Variants in FILIP1L observed in about 807,000 individuals in gnomAD.
FILIP1L encodes the protein filamin A-interacting protein 1-like.
Under a neutral mutation model 96.6 loss-of-function variants are expected in FILIP1L, and 55 were observed. The ratio of observed to expected loss-of-function variants is 0.57; its 90% CI spans 0.46 to 0.71. FILIP1L has a LOEUF of 0.71. Among genes scored for constraint, FILIP1L ranks in the 30% least tolerant of loss-of-function variants. The pLI is 0.00. For synonymous variants in FILIP1L, 467 were observed against 473.9 expected (o/e 0.99, Z 0.19); for missense variants, 1,304 against 1,321.2 (o/e 0.99, Z 0.20).
At chr3:99,870,778 A>C (rs1278667428) in intron 4 of FILIP1L, among the ~76,000 whole-genome samples, 1 of 152,232 alleles carries the variant, frequency 6.6e-6, no homozygotes, top group Non-Finnish European at 1.5e-5. Context: ...TTACCCACAG[A>C]AACTTTGGAA....
chr3:99,930,476 C>G lies in FILIP1L; in HGVS notation c.252+293G>C, dbSNP rs370743491. ...TTAAACCAATCCCGAAGTCATCTGG[C>G]ATTATTGCTACTGATGCATGCATGT... is the stretch of plus-strand genomic sequence containing the variant. On this transcript the variant is annotated intron_variant, in intron 2 of 5. Coordinates refer to ENST00000477258, the MANE Select transcript of FILIP1L (RefSeq NM_001387850.1). Among the ~76,000 whole-genome samples the G allele has an allele frequency of 5.3e-5, 8 of 152,266 alleles. No homozygotes were observed. The East Asian group carries it at 5.8e-4, about 11-fold the overall frequency.
intron 1 of FILIP1L, among the ~76,000 whole-genome samples, chr3:100,035,268 T>G (rs563673737): frequency 3.1e-4 from 47 of 152,236 alleles, no homozygotes; most frequent in African/African-American, 1.1e-3. Flanking sequence ...CCTCCTTAAA[T>G]TATTAGTATT....
intron 1 of FILIP1L, among the ~76,000 whole-genome samples, chr3:100,010,780 T>TA (rs1406166692): frequency 2.1e-5 from 3 of 141,416 alleles, no homozygotes. Flanking sequence ...ACGCCCGGAT[T>TA]TTTTTTTTTT....
chr3:99,971,305 C>T (rs1181787455), intron 1 of FILIP1L, among the ~76,000 whole-genome samples: 1 of 149,806 alleles, frequency 6.7e-6, no homozygotes, highest in Admixed American at 6.6e-5. Context: ...GTGCCACTGC[C>T]CACCAGCCTG....
intron 1 of FILIP1L, among the ~76,000 whole-genome samples, chr3:100,008,015 A>T (rs1710037957): frequency 6.6e-6 from 1 of 152,168 alleles, no homozygotes; most frequent in Non-Finnish European, 1.5e-5. Context: ...TCCCCAGCAC[A>T]ACCTTGCCTG....
chr3:100,070,525 G>A (rs2065743486), intron 1 of FILIP1L, among the ~76,000 whole-genome samples: 1 of 152,150 alleles, frequency 6.6e-6, no homozygotes, highest in Non-Finnish European at 1.5e-5. Flanking sequence ...GATAAACCTT[G>A]TGCCAATTTA....
intron 4 of FILIP1L, among the ~76,000 whole-genome samples, chr3:99,912,467 C>G (rs1372625356): frequency 6.6e-6 from 1 of 152,134 alleles, no homozygotes; most frequent in Admixed American, 6.5e-5. Flanking sequence ...GCCTTGACCT[C>G]CCTGGACTCA....
intron 1 of FILIP1L, among the ~76,000 whole-genome samples, chr3:100,107,895 AG>A (rs2066421813): frequency 1.3e-5 from 2 of 149,174 alleles, no homozygotes; most frequent in Non-Finnish European, 1.5e-5. Context: ...AAAAAAAAAA[AG>A]TTACTTGCTT....
intron 1 of FILIP1L, among the ~76,000 whole-genome samples, chr3:100,067,627 A>G (rs2065689150): frequency 6.6e-6 from 1 of 152,242 alleles, no homozygotes; most frequent in Admixed American, 6.5e-5. Context: ...AACAACTAGA[A>G]TTCACAAGAT....
At position 99,878,475 on chromosome 3, in the gene FILIP1L, A is replaced by G. The variant is rs1705612813; in HGVS notation, c.606-27405T>C. Among the ~76,000 whole-genome samples, 4 of 152,242 alleles carry G rather than the reference A, an allele frequency of 2.6e-5. No homozygotes were observed. The South Asian group carries it at 8.3e-4, about 31-fold the overall frequency. ...GCCTTCTACATATATAGTCTTACAT[A>G]TATAGCCTTCTTCTACATAAATAGT... On this transcript the variant is annotated intron_variant, in intron 4 of 5. Coordinates refer to ENST00000477258, the MANE Select transcript of FILIP1L (RefSeq NM_001387850.1).
chr3:99,854,747 T>C (rs1019292325), intron 4 of FILIP1L, among the ~76,000 whole-genome samples: 3 of 152,206 alleles, frequency 2.0e-5, no homozygotes, highest in East Asian at 3.8e-4. Flanking sequence ...GTGGCATGTG[T>C]GTATGTCAGT....
intron 4 of FILIP1L, among the ~76,000 whole-genome samples, chr3:99,905,647 T>C (rs930869949): frequency 6.6e-6 from 1 of 152,246 alleles, no homozygotes; most frequent in African/African-American, 2.4e-5. Context: ...CAGATTAAGT[T>C]ATAGAATATT....
At position 100,044,367 on chromosome 3, in the gene FILIP1L, C is replaced by CT. The variant is rs575620546; in HGVS notation, c.-11+69685_-11+69686insA. Among the ~76,000 whole-genome samples the CT allele has an allele frequency of 3.5e-3, 535 of 152,080 alleles. 5 individuals carry two copies. The highest frequency in any genetic ancestry group is 0.012 in the African/African-American group (489 of 41,440). On this transcript the variant is annotated intron_variant, in intron 1 of 5. Transcript: ENST00000477258. ...TTTACATCATAGTATAAAGAAGTAA[C>CT]ACAGGGGTAATCTGTCAAGGGGGGC... is the stretch of plus-strand genomic sequence containing the variant.
chr3:99,883,451 T>G (rs1705794767), intron 4 of FILIP1L, among the ~76,000 whole-genome samples: 1 of 152,352 alleles, frequency 6.6e-6, no homozygotes, highest in East Asian at 1.9e-4. Context: ...ATGAACAGAT[T>G]ATTTCATCAT....
chr3:99,912,350 C>G (rs970661867), intron 4 of FILIP1L, among the ~76,000 whole-genome samples: 1 of 152,084 alleles, frequency 6.6e-6, no homozygotes, highest in African/African-American at 2.4e-5. Context: ...AGTGTCACTG[C>G]TTAATGGGCA....
At chr3:99,840,528 T>C (rs1389074982) in intron 5 of FILIP1L, among the ~76,000 whole-genome samples, 1 of 152,144 alleles carries the variant, frequency 6.6e-6, no homozygotes, top group Non-Finnish European at 1.5e-5. Context: ...AGCCAATTCA[T>C]AGAATCTTAG....
At position 99,848,127 on chromosome 3, in the gene FILIP1L, G is replaced by T. The variant is rs1391890865; in HGVS notation, c.3381+168C>A. ...ACTCGATATGACTATGCAGGCAACAGTTAGTTTCAGATACTCTTGTATAGT... is the reference window on the plus strand; with the variant it reads ...ACTCGATATGACTATGCAGGCAACATTTAGTTTCAGATACTCTTGTATAGT... On this transcript the variant is annotated intron_variant, in intron 5 of 5. Coordinates refer to ENST00000477258, the MANE Select transcript of FILIP1L (RefSeq NM_001387850.1). 4.1e-6 allele frequency: 6 copies of T among 1,478,102 alleles called. No individual in the cohort carries two copies. In the East Asian group the frequency reaches 9.6e-5, roughly 24 times the overall value. 91.6% of individuals were successfully genotyped at this position (1,478,102 alleles called of 1,614,324 possible).
intron 4 of FILIP1L, among the ~76,000 whole-genome samples, chr3:99,901,630 G>C (rs568472625): frequency 6.6e-6 from 1 of 152,286 alleles, no homozygotes; most frequent in African/African-American, 2.4e-5. Context: ...TCAGCGATGT[G>C]TATTCTAAAG....
intron 1 of FILIP1L, among the ~76,000 whole-genome samples, chr3:99,953,631 T>A (rs557126362): frequency 6.6e-6 from 1 of 152,346 alleles, no homozygotes; most frequent in East Asian, 1.9e-4. Flanking sequence ...TGAGGGCTGT[T>A]CCTATTGTCT....
Sources: gnomAD v4.1 joint callset for allele counts (sites outside exome capture counted in the v4.1 genomes callset) on GRCh38, gnomAD v4.1.1 for gene constraint, MANE v1.5 for transcripts, NCBI Gene and HGNC (gene_info 2026-07-23, HGNC 2026-07-21) for gene names.